The following TCF3 variants were observed in gnomAD, a reference collection of about 807,000 sequenced individuals.
The protein encoded by TCF3 is transcription factor 3.
A neutral mutation model predicts 72.3 loss-of-function variants in TCF3; 54 were observed. That is an observed-to-expected ratio of 0.75 (90% CI 0.60 to 0.94). The LOEUF (loss-of-function observed/expected upper bound fraction) is 0.94. Among genes scored for constraint, TCF3 ranks in the 40% least tolerant of loss-of-function variants. The pLI, the probability that TCF3 is intolerant of heterozygous loss-of-function variation, is 0.00. For synonymous variants in TCF3, 525 were observed against 412.6 expected, an observed-to-expected ratio of 1.27 and a Z score of -3.30; for missense variants, 1,078 against 934.4, an observed-to-expected ratio of 1.15 and a Z score of -2.00.
rs1368153981 is a variant in TCF3, at chr19:1,611,271, T to C, written c.*436A>G. On this transcript the variant is annotated 3_prime_UTR_variant, in exon 19 of 19. Transcript: ENST00000262965. The stretch of plus-strand genomic sequence containing the variant: ...AGCCAGGTTTCCACAGCATCCCCCT[T>C]GAGTGATATGTTTCCATTTCTCCGC... 3.1e-6 allele frequency: 1 copy of C among 326,430 alleles called. No homozygotes were observed. Among genetic ancestry groups the C allele is most frequent in the Non-Finnish European group, 5.5e-6 (1 of 180,546 alleles). The allele number at this position is 326,430 out of a possible 1,614,324, so 20.2% of individuals were successfully genotyped here.
chr19:1,650,067 C>T (rs775772400), intron 2 of TCF3, 110 bp downstream of exon 2: 204 of 1,130,272 alleles, frequency 1.8e-4, no homozygotes, highest in Non-Finnish European at 2.2e-4. Context: ...CCCATCCAAA[C>T]AGCTGAGGCT....
chr19:1,612,214 C>A, intron 18 of TCF3: 1 of 1,581,930 alleles, frequency 6.3e-7, no homozygotes, highest in South Asian at 1.2e-5. Context: ...TACCTCGCAC[C>A]TGCTGCTCCA....
At position 1,622,126 on chromosome 19, in the gene TCF3, C is replaced by A. The variant is rs201703361; in HGVS notation, c.750G>T (p.Pro250=). 2.5e-6 allele frequency: 4 copies of A among 1,597,418 alleles called. No homozygotes were observed. Among genetic ancestry groups the A allele is most frequent in the Admixed American group, 3.4e-5 (2 of 58,086 alleles). The change falls in exon 10 of 19, where the codon CCG becomes CCT. Residue 250 remains proline, a synonymous_variant. Coordinates refer to ENST00000262965, the MANE Select transcript of TCF3 (RefSeq NM_003200.5). ...TGCTGCCCACCGGGCCGCTACCGGG[C>A]GGGAGGGGCAGCGGGGATGAGCCCC... ...LGGGSSPLPL[P]PGSGPVGSSG... is the part of the protein sequence containing the mutation.
At chr19:1,651,113 T>TC (rs2066967919) in intron 1 of TCF3, 1 of 232,046 alleles carries the variant, frequency 4.3e-6, no homozygotes, top group Non-Finnish European at 8.5e-6. Context: ...CCCAGGGGGC[T>TC]CCATTCTAAG....
At chr19:1,635,043 C>A (rs780762795) in intron 3 of TCF3, among the ~76,000 whole-genome samples, 2 of 152,214 alleles carry the variant, frequency 1.3e-5, no homozygotes, top group Non-Finnish European at 2.9e-5. Context: ...GACTTCAGTA[C>A]CAGGAGTGGG....
At chr19:1,618,295 C>A (rs920481530) in intron 16 of TCF3, among the ~76,000 whole-genome samples, 1 of 152,132 alleles carries the variant, frequency 6.6e-6, no homozygotes, top group Non-Finnish European at 1.5e-5. Flanking sequence ...CTGCTCACCC[C>A]TCCAAGGCCC....
At chr19:1,627,558 G>T in intron 5 of TCF3, 132 bp from the exon 6 acceptor site, 1 of 784,404 alleles carries the variant, frequency 1.3e-6, no homozygotes, top group Non-Finnish European at 2.1e-6. Context: ...GCAGGATGCT[G>T]GCAGAGCCTG....
chr19:1,625,689 T>G lies in TCF3; in HGVS notation c.386A>C (p.Glu129Ala). ...GGGCCCGGGGCTGTTGAGGGCCAGC[T>G]CGCCTGACAGGAAGCCAGCCTGGTG... is the stretch of plus-strand genomic sequence containing the variant. The part of the protein sequence containing the change: ...GLTQAGFLSG[E>A]LALNSPGPLS... The change falls in exon 7 of 19, where the codon GAG becomes GCG. Residue 129 changes from glutamate (E) to alanine (A), a missense_variant. Physicochemically the swap from Glu to Ala is moderately radical, Grantham distance 107. Transcript: ENST00000262965. 1 of 1,517,748 alleles carries G rather than the reference T, an allele frequency of 6.6e-7. No individual in the cohort carries two copies. Among genetic ancestry groups the G allele is most frequent in the South Asian group, 1.3e-5 (1 of 79,582 alleles). 94.0% of individuals were successfully genotyped at this position (1,517,748 alleles called of 1,614,324 possible). A position where few individuals can be genotyped will look rare whatever the true frequency, so the allele number is the denominator to read the frequency against.
Position 1,619,438 on chromosome 19 carries a change from G to A in TCF3, c.1204C>T (p.His402Tyr). Residue 402 changes from histidine (H) to tyrosine (Y), a missense_variant, in exon 15 of 19, where the codon CAC becomes TAC. By Grantham distance (83) the His-to-Tyr change is moderately conservative. Transcript: ENST00000262965. ...KIEDHLDEAI[H>Y]VLRSHAVGTA... ...CCCACGGCGTGGCTGCGGAGCACGTGGATGGCCTCGTCCAGGTGGTCTTCT... is the reference window on the plus strand; with the variant it reads ...CCCACGGCGTGGCTGCGGAGCACGTAGATGGCCTCGTCCAGGTGGTCTTCT... 6.3e-7 allele frequency: 1 copy of A among 1,590,422 alleles called. No homozygotes were observed. Among genetic ancestry groups the A allele is most frequent in the Non-Finnish European group, 8.5e-7 (1 of 1,174,640 alleles).
intron 8 of TCF3, among the ~76,000 whole-genome samples, chr19:1,622,891 A>G (rs2062420841): frequency 6.6e-6 from 1 of 152,086 alleles, no homozygotes; most frequent in Non-Finnish European, 1.5e-5. Context: ...GCCAGCTCTG[A>G]CTGGTTGGCA....
At chr19:1,648,510 T>C (rs1200819528) in intron 2 of TCF3, among the ~76,000 whole-genome samples, 1 of 152,100 alleles carries the variant, frequency 6.6e-6, no homozygotes, top group Non-Finnish European at 1.5e-5. Context: ...CAAACGCTGG[T>C]CTGTTCCAGC....
At chr19:1,634,287 T>C (rs1415135537) in intron 3 of TCF3, among the ~76,000 whole-genome samples, 1 of 152,272 alleles carries the variant, frequency 6.6e-6, no homozygotes. Context: ...GCTCCTGTTC[T>C]AATTAAAATG....
chr19:1,610,954 T>C lies in TCF3; in HGVS notation c.*753A>G, dbSNP rs2060942876. On this transcript the variant is annotated 3_prime_UTR_variant, in exon 19 of 19. Transcript: ENST00000262965. ...GGGGGGGGGGACGGGGGGGCTCAGG[T>C]TTACACGGGGTCTTTTTAATACAAC... 1 of 217,814 alleles carries C rather than the reference T, an allele frequency of 4.6e-6. No individual in the cohort carries two copies. Among genetic ancestry groups the C allele is most frequent in the Admixed American group, 5.9e-5 (1 of 16,906 alleles). The allele number at this position is 217,814 out of a possible 1,614,324, so 13.5% of individuals were successfully genotyped here. A position where few individuals can be genotyped will look rare whatever the true frequency, so the allele number is the denominator to read the frequency against.
intron 18 of TCF3, chr19:1,612,131 C>T (rs1346865235): frequency 2.1e-6 from 3 of 1,436,526 alleles, no homozygotes; most frequent in African/African-American, 1.4e-5. Context: ...GCGGCAAGCA[C>T]AGGAGGACCC....
intron 3 of TCF3, 42 bp downstream of exon 3, chr19:1,646,313 T>A: frequency 6.5e-7 from 1 of 1,540,482 alleles, no homozygotes; most frequent in Non-Finnish European, 8.8e-7. Context: ...AGACCCTTGA[T>A]CTCCTCACTC....
rs774839101 is a variant in TCF3 at position 1,610,579 on chromosome 19, G to A, written c.*1128C>T. 2.2e-5 allele frequency: 5 copies of A among 231,732 alleles called. No homozygotes were observed. The Admixed American group carries it at 2.8e-4, about 13-fold the overall frequency. 14.4% of individuals were successfully genotyped at this position (231,732 alleles called of 1,614,324 possible). ...CCAGGGTGTGGTCCCCATGCCAGGG[G>A]TCACTGGTCCCAACAAAATGCCCCA... On this transcript the variant is annotated 3_prime_UTR_variant, in exon 19 of 19. Transcript: ENST00000262965.
rs771302868 is a variant in TCF3 at position 1,627,402 on chromosome 19, T to A, written c.323A>T (p.Tyr108Phe). The A allele has an allele frequency of 6.2e-7, 1 of 1,612,066 alleles. No individual in the cohort carries two copies. The highest frequency in any genetic ancestry group is 8.5e-7 in the Non-Finnish European group (1 of 1,179,742). Residue 108 changes from tyrosine to phenylalanine, a missense_variant, in exon 6 of 19, where the codon TAT becomes TTT. Tyr to Phe is a conservative substitution (Grantham distance 22). Coordinates refer to ENST00000262965, the MANE Select transcript of TCF3 (RefSeq NM_003200.5). The stretch of plus-strand genomic sequence containing the variant: ...GCCTGCGTCTCTCCCGAAGGAGGCA[T>A]AGGCGCCCCGCTCACCGCTCTTGCC... ...LGGKSGERGA[Y>F]ASFGRDAGVG...
chr19:1,649,614 G>A (rs2066681167), intron 2 of TCF3, among the ~76,000 whole-genome samples: 1 of 151,994 alleles, frequency 6.6e-6, no homozygotes, highest in Non-Finnish European at 1.5e-5. Flanking sequence ...GAGAAATGGG[G>A]CCTCACTATG....
intron 5 of TCF3, 106 bp from the exon 6 acceptor site, chr19:1,627,532 G>A (rs1170264050): frequency 9.2e-6 from 9 of 979,782 alleles, no homozygotes; most frequent in East Asian, 2.6e-5. Flanking sequence ...AAGTGCACAC[G>A]ACTGAGAGCG....
Sources: allele counts gnomAD v4.1 joint callset (sites outside exome capture counted in the v4.1 genomes callset), GRCh38; gene constraint gnomAD v4.1.1; transcripts MANE v1.5; gene names NCBI Gene and HGNC (gene_info 2026-07-23, HGNC 2026-07-21).